The following TTC28 variants were observed in gnomAD, a reference collection of about 807,000 sequenced individuals.
TTC28 encodes tetratricopeptide repeat domain 28.
Under a neutral mutation model 198.0 loss-of-function variants are expected in TTC28, and 61 were observed. The ratio of observed to expected loss-of-function variants is 0.31; its 90% confidence interval spans 0.25 to 0.38. The LOEUF is 0.38. Among genes scored for constraint, TTC28 ranks in the 10% least tolerant of loss-of-function variants. The pLI is 1.00. For missense variants in TTC28, 2,678 were observed against 3,164.0 expected, an observed-to-expected ratio of 0.85 and a Z score of 3.69; for synonymous variants, 1,171 against 1,297.8, an observed-to-expected ratio of 0.90 and a Z score of 2.10.
intron 5 of TTC28, among the ~76,000 whole-genome samples, chr22:28,279,670 C>G (rs2044545642): frequency 6.6e-6 from 1 of 152,086 alleles, no homozygotes. Flanking sequence ...ACAACAGGCC[C>G]ATTTGATGAG....
At chr22:28,078,944 T>C (rs982902821) in intron 12 of TTC28, among the ~76,000 whole-genome samples, 3 of 152,072 alleles carry the variant, frequency 2.0e-5, no homozygotes, top group African/African-American at 7.2e-5. Context: ...GGGAAAGCCC[T>C]TGGTGTAAAC....
At chr22:28,244,853 A>G (rs1041449396) in intron 5 of TTC28, among the ~76,000 whole-genome samples, 1 of 152,194 alleles carries the variant, frequency 6.6e-6, no homozygotes, top group African/African-American at 2.4e-5. Context: ...GAAACAAGCT[A>G]ATAGCACAAT....
intron 5 of TTC28, among the ~76,000 whole-genome samples, chr22:28,292,790 T>C (rs2044812223): frequency 6.6e-6 from 1 of 152,196 alleles, no homozygotes; most frequent in Non-Finnish European, 1.5e-5. Context: ...AACAATGTTT[T>C]AATATTTTCA....
At chr22:28,120,025 C>T (rs1942742770) in intron 6 of TTC28, among the ~76,000 whole-genome samples, 1 of 152,132 alleles carries the variant, frequency 6.6e-6, no homozygotes, top group Admixed American at 6.5e-5. Flanking sequence ...GTATGGGCTT[C>T]CTCCTAATTT....
At chr22:28,440,619 A>G (rs1436066696) in intron 2 of TTC28, among the ~76,000 whole-genome samples, 1 of 152,216 alleles carries the variant, frequency 6.6e-6, no homozygotes, top group African/African-American at 2.4e-5. Context: ...TGATCTTCCT[A>G]GCTTTGTTAA....
At chr22:28,354,488 C>T (rs1354444441) in intron 2 of TTC28, among the ~76,000 whole-genome samples, 5 of 151,710 alleles carry the variant, frequency 3.3e-5, no homozygotes, top group Non-Finnish European at 5.9e-5. Flanking sequence ...TTTATATCAA[C>T]AGAAAGTAAA....
At chr22:28,662,116 T>TA (rs2051758997) in intron 1 of TTC28, among the ~76,000 whole-genome samples, 1 of 152,202 alleles carries the variant, frequency 6.6e-6, no homozygotes, top group African/African-American at 2.4e-5. Flanking sequence ...ATTAAATTAA[T>TA]AGATAATAAA....
At chr22:28,292,318 G>T (rs998408635) in intron 5 of TTC28, among the ~76,000 whole-genome samples, 1 of 152,114 alleles carries the variant, frequency 6.6e-6, no homozygotes, top group African/African-American at 2.4e-5. Flanking sequence ...CTCCTGAGTA[G>T]CTGGGATTAC....
At chr22:28,183,589 T>C (rs1372207838) in intron 5 of TTC28, among the ~76,000 whole-genome samples, 1 of 152,170 alleles carries the variant, frequency 6.6e-6, no homozygotes, top group Non-Finnish European at 1.5e-5. Context: ...CTTCCATAAC[T>C]AATATAAGAG....
chr22:28,352,244 T>C (rs2046007595), intron 2 of TTC28, among the ~76,000 whole-genome samples: 1 of 151,566 alleles, frequency 6.6e-6, no homozygotes, highest in African/African-American at 2.4e-5. Context: ...TGCAAAGTAA[T>C]ATCCTAGGGC....
chr22:28,473,973 G>C (rs930402851), intron 2 of TTC28, among the ~76,000 whole-genome samples: 1 of 152,082 alleles, frequency 6.6e-6, no homozygotes, highest in Non-Finnish European at 1.5e-5. Context: ...AAAATTTTTT[G>C]TTGTTTAAGC....
intron 2 of TTC28, among the ~76,000 whole-genome samples, chr22:28,376,697 T>G (rs1215977612): frequency 1.3e-5 from 2 of 152,000 alleles, no homozygotes; most frequent in Non-Finnish European, 2.9e-5. Flanking sequence ...AGCCCACTGG[T>G]CTTAGTTGGG....
At chr22:28,375,830 T>C (rs2046401113) in intron 2 of TTC28, among the ~76,000 whole-genome samples, 1 of 152,172 alleles carries the variant, frequency 6.6e-6, no homozygotes, top group Non-Finnish European at 1.5e-5. Context: ...GGATTTCCTG[T>C]TTCTCTCCAG....
intron 2 of TTC28, among the ~76,000 whole-genome samples, chr22:28,607,443 C>T (rs924502321): frequency 6.6e-6 from 1 of 152,098 alleles, no homozygotes; most frequent in African/African-American, 2.4e-5. Flanking sequence ...AATTCCCTCT[C>T]CTGATTATCA....
intron 2 of TTC28, chr22:28,443,070 T>C (rs143665050): frequency 6.6e-6 from 1 of 152,382 alleles, no homozygotes; most frequent in Non-Finnish European, 1.5e-5. Flanking sequence ...TCCAGTCTTT[T>C]CGCCTTCAGT....
rs76862453 is a variant in TTC28, at chr22:28,297,928, T to C, written c.530-76A>G. The C allele has an allele frequency of 3.0e-5, 43 of 1,422,828 alleles. No individual in the cohort carries two copies. In the East Asian group the frequency reaches 1.0e-3, roughly 34 times the overall value. The allele number at this position is 1,422,828 out of a possible 1,614,324, so 88.1% of individuals were successfully genotyped here. The stretch of plus-strand genomic sequence containing the variant: ...ACAAAAACAATCTTTTCTAATACGC[T>C]CTAGAAATAAATGTTTATCATATCT... On this transcript the variant is annotated intron_variant, in intron 3 of 22. Coordinates refer to ENST00000397906, the MANE Select transcript of TTC28 (RefSeq NM_001145418.2).
chr22:28,233,011 A>C (rs1928933961), intron 5 of TTC28, among the ~76,000 whole-genome samples: 1 of 152,002 alleles, frequency 6.6e-6, no homozygotes, highest in Admixed American at 6.6e-5. Context: ...CTGAGGCAGG[A>C]GAATCGCTTG....
In TTC28 at chr22:28,329,230, T is replaced by C. The variant is rs993172195; in HGVS notation, c.382-22587A>G. Among the ~76,000 whole-genome samples, 12 of 152,298 alleles carry C rather than the reference T, an allele frequency of 7.9e-5. No individual in the cohort carries two copies. In the South Asian group the frequency reaches 1.4e-3, roughly 18 times the overall value. On this transcript the variant is annotated intron_variant, in intron 2 of 22. Transcript: ENST00000397906. Reference sequence around the variant, plus strand: ...GTATGTGTGTGCATATATATATACATACAGAGTATTATACATGCATGCAGA... The same window carrying C: ...GTATGTGTGTGCATATATATATACACACAGAGTATTATACATGCATGCAGA...
chr22:28,166,677 G>A (rs1921999083), intron 5 of TTC28, among the ~76,000 whole-genome samples: 1 of 152,192 alleles, frequency 6.6e-6, no homozygotes, highest in Non-Finnish European at 1.5e-5. Flanking sequence ...AAAGCAGTGT[G>A]AAGAGGGAAA....
Sources: gnomAD v4.1 joint callset for allele counts (sites outside exome capture counted in the v4.1 genomes callset) on GRCh38, gnomAD v4.1.1 for gene constraint, MANE v1.5 for transcripts, NCBI Gene and HGNC (gene_info 2026-07-23, HGNC 2026-07-21) for gene names.